NEGR1: variants seen among roughly 807,000 people sequenced by gnomAD.
The protein encoded by NEGR1 is IgLON family member 4.
A neutral mutation model predicts 40.9 loss-of-function variants in NEGR1; 10 were observed. That is an observed-to-expected ratio of 0.24 (90% CI 0.15 to 0.42). The LOEUF is 0.42. Ranked by LOEUF, NEGR1 falls within the 10% of genes least tolerant of loss-of-function variation. The pLI, the probability that NEGR1 is intolerant of heterozygous loss-of-function variation, is 1.00. For synonymous variants in NEGR1, 185 were observed against 166.8 expected, an observed-to-expected ratio of 1.11 and a Z score of -0.84; for missense variants, 352 against 438.9, an observed-to-expected ratio of 0.80 and a Z score of 1.77.
At chr1:71,560,448 T>TA (rs1648415628) in intron 6 of NEGR1, among the ~76,000 whole-genome samples, 1 of 135,728 alleles carries the variant, frequency 7.4e-6, no homozygotes, top group African/African-American at 2.7e-5. Context: ...TATATATATA[T>TA]GTATATATAT....
chr1:71,796,812 C>G (rs1657345218), intron 2 of NEGR1, among the ~76,000 whole-genome samples: 1 of 151,940 alleles, frequency 6.6e-6, no homozygotes, highest in African/African-American at 2.4e-5. Flanking sequence ...TGCTTAGTAC[C>G]AAATAAGGGG....
At chr1:71,886,011 T>C (rs1013399907) in intron 2 of NEGR1, among the ~76,000 whole-genome samples, 1 of 152,172 alleles carries the variant, frequency 6.6e-6, no homozygotes, top group African/African-American at 2.4e-5. Context: ...TGCAATGAAG[T>C]TTCTATATCA....
intron 1 of NEGR1, among the ~76,000 whole-genome samples, chr1:71,983,339 GAA>G (rs1425139915): frequency 6.6e-6 from 1 of 151,998 alleles, no homozygotes; most frequent in Admixed American, 6.6e-5. Context: ...GGGTTATCTG[GAA>G]AATGAAATAA....
intron 1 of NEGR1, among the ~76,000 whole-genome samples, chr1:72,273,240 C>A (rs1463209991): frequency 1.3e-5 from 2 of 152,104 alleles, no homozygotes; most frequent in Admixed American, 6.5e-5. Context: ...CTACTTTTTA[C>A]AATTGAGTTA....
At chr1:72,073,105 C>G (rs1199174830) in intron 1 of NEGR1, among the ~76,000 whole-genome samples, 1 of 152,102 alleles carries the variant, frequency 6.6e-6, no homozygotes, top group Non-Finnish European at 1.5e-5. Context: ...AGAATGTGAG[C>G]AGTGATACAG....
chr1:72,023,254 T>C (rs1362864777), intron 1 of NEGR1, among the ~76,000 whole-genome samples: 2 of 152,264 alleles, frequency 1.3e-5, no homozygotes, highest in Non-Finnish European at 2.9e-5. Flanking sequence ...CAGTGGTGAT[T>C]GTGGTGGTAT....
intron 3 of NEGR1, among the ~76,000 whole-genome samples, chr1:71,714,713 C>A (rs538929005): frequency 6.6e-5 from 10 of 152,210 alleles, no homozygotes; most frequent in Non-Finnish European, 1.5e-4. Flanking sequence ...CTCATCCAGA[C>A]CATGCTAATG....
rs188147018 is a variant in NEGR1, at chr1:71,492,222, T to C, written c.941-84652A>G. 4.6e-5 allele frequency among the ~76,000 whole-genome samples: 7 copies of C among 152,218 alleles called. No individual in the cohort carries two copies. The East Asian group carries it at 1.2e-3, about 25-fold the overall frequency. ...GGCAAGGGTGAAATACAATCTAAAA[T>C]GCAAGTAAGAGTTTCAGGTATAAGA... is the stretch of plus-strand genomic sequence containing the variant. On this transcript the variant is annotated intron_variant, in intron 6 of 6. Transcript: ENST00000357731.
chr1:72,146,467 G>A (rs1650913061), intron 1 of NEGR1, among the ~76,000 whole-genome samples: 1 of 152,086 alleles, frequency 6.6e-6, no homozygotes, highest in Non-Finnish European at 1.5e-5. Context: ...TAGAAATGAT[G>A]GTGATGCCAA....
At chr1:72,145,432 C>T (rs1039267403) in intron 1 of NEGR1, among the ~76,000 whole-genome samples, 1 of 152,070 alleles carries the variant, frequency 6.6e-6, no homozygotes, top group African/African-American at 2.4e-5. Flanking sequence ...AATGTAATAG[C>T]AGAAAATAGA....
At chr1:71,852,618 T>C (rs998237935) in intron 2 of NEGR1, among the ~76,000 whole-genome samples, 1 of 152,038 alleles carries the variant, frequency 6.6e-6, no homozygotes, top group Non-Finnish European at 1.5e-5. Flanking sequence ...AACTGTTTTG[T>C]TTTGTTTTGT....
At chr1:71,755,002 C>A (rs1021206823) in intron 3 of NEGR1, among the ~76,000 whole-genome samples, 1 of 152,158 alleles carries the variant, frequency 6.6e-6, no homozygotes, top group Admixed American at 6.6e-5. Flanking sequence ...ATTGTCCTGA[C>A]CTCTTCCTTG....
chr1:71,528,659 A>G (rs993889540), intron 6 of NEGR1, among the ~76,000 whole-genome samples: 5 of 151,328 alleles, frequency 3.3e-5, no homozygotes, highest in Non-Finnish European at 7.4e-5. Flanking sequence ...AATTTAAATA[A>G]TTCAGTTTAC....
chr1:72,111,085 TAC>T (rs72146902), intron 1 of NEGR1, among the ~76,000 whole-genome samples: 89,859 of 128,026 alleles, frequency 0.7, 29,404 homozygotes, highest in South Asian at 0.82. Context: ...TATATATATA[TAC>T]ACACACACAC....
chr1:71,799,775 C>T (rs759716917), intron 2 of NEGR1, among the ~76,000 whole-genome samples: 3 of 151,964 alleles, frequency 2.0e-5, no homozygotes, highest in African/African-American at 2.4e-5. Flanking sequence ...TGCAGAGGCA[C>T]GATCTTGGCT....
intron 1 of NEGR1, among the ~76,000 whole-genome samples, chr1:72,215,620 A>C (rs1310959221): frequency 6.6e-6 from 1 of 152,164 alleles, no homozygotes; most frequent in Non-Finnish European, 1.5e-5. Context: ...GCTCATCATC[A>C]CTGGTCATTT....
chr1:71,737,819 G>A (rs1344359729), intron 3 of NEGR1, among the ~76,000 whole-genome samples: 1 of 152,136 alleles, frequency 6.6e-6, no homozygotes, highest in Non-Finnish European at 1.5e-5. Context: ...TCCAATAAGT[G>A]ACTATTTCTC....
intron 2 of NEGR1, among the ~76,000 whole-genome samples, chr1:71,842,235 TAG>T (rs1659267159): frequency 6.6e-6 from 1 of 152,138 alleles, no homozygotes; most frequent in Non-Finnish European, 1.5e-5. Context: ...TCTGGCTTGT[TAG>T]ACAGTGGAAT....
intron 2 of NEGR1, among the ~76,000 whole-genome samples, chr1:71,786,366 GA>G (rs1441745751): frequency 6.6e-6 from 1 of 152,088 alleles, no homozygotes; most frequent in Non-Finnish European, 1.5e-5. Context: ...GCCTTGGCTG[GA>G]AATAAATAGT....
Sources: gnomAD v4.1 joint callset for allele counts (sites outside exome capture counted in the v4.1 genomes callset) on GRCh38, gnomAD v4.1.1 for gene constraint, MANE v1.5 for transcripts, NCBI Gene and HGNC (gene_info 2026-07-23, HGNC 2026-07-21) for gene names.